The following ANKRD11 variants were observed in gnomAD, a reference collection of about 807,000 sequenced individuals.
The protein encoded by ANKRD11 is ankyrin repeat domain-containing protein 11.
ANKRD11 carries 17 observed loss-of-function variants against 195.7 expected under a neutral mutation model. The ratio of observed to expected loss-of-function variants is 0.09; its 90% CI spans 0.06 to 0.13. The LOEUF is 0.13. Ranked by LOEUF, ANKRD11 falls within the 10% of genes least tolerant of loss-of-function variation. The pLI, the probability that ANKRD11 is intolerant of heterozygous loss-of-function variation, is 1.00. For synonymous variants in ANKRD11, 1,953 were observed against 1,528.1 expected (o/e 1.28, Z -6.49); for missense variants, 3,735 against 3,566.1 (o/e 1.05, Z -1.21).
intron 4 of ANKRD11, among the ~76,000 whole-genome samples, chr16:89,296,049 C>T (rs1285931530): frequency 8.2e-6 from 1 of 122,542 alleles, no homozygotes; most frequent in Non-Finnish European, 1.6e-5. Context: ...AGCACAGTGG[C>T]GCAATCTCAG....
chr16:89,430,042 G>C (rs2042908400), intron 1 of ANKRD11, among the ~76,000 whole-genome samples: 1 of 129,996 alleles, frequency 7.7e-6, no homozygotes, highest in Non-Finnish European at 1.6e-5. Flanking sequence ...AGTCGTTCTA[G>C]TACACAGCAG....
chr16:89,294,316 A>G (rs1385026047), intron 4 of ANKRD11, among the ~76,000 whole-genome samples: 2 of 152,070 alleles, frequency 1.3e-5, no homozygotes, highest in Non-Finnish European at 1.5e-5. Context: ...CACTCAGGAA[A>G]AGCTTGCTCC....
chr16:89,474,551 A>G (rs2057193950), intron 1 of ANKRD11, among the ~76,000 whole-genome samples: 1 of 152,116 alleles, frequency 6.6e-6, no homozygotes, highest in Non-Finnish European at 1.5e-5. Flanking sequence ...ACTTCCTTCC[A>G]TGCACAAATA....
chr16:89,367,468 C>T (rs145383247), intron 2 of ANKRD11, among the ~76,000 whole-genome samples: 205 of 152,318 alleles, frequency 1.3e-3, no homozygotes, highest in Admixed American at 2.8e-3. Flanking sequence ...AGGGGAGCGA[C>T]GCTCTCAAAC....
At chr16:89,446,682 T>C (rs866512787) in intron 1 of ANKRD11, among the ~76,000 whole-genome samples, 2 of 152,128 alleles carry the variant, frequency 1.3e-5, no homozygotes, top group African/African-American at 4.8e-5. Flanking sequence ...AGTGAAGCCC[T>C]GAGATCCTTG....
chr16:89,471,733 TG>T (rs1429365381), intron 1 of ANKRD11, among the ~76,000 whole-genome samples: 7 of 129,732 alleles, frequency 5.4e-5, no homozygotes, highest in Non-Finnish European at 1.1e-4. Flanking sequence ...TGCAGTGAGC[TG>T]AGATGATGCC....
intron 9 of ANKRD11, 79 bp from the exon 10 acceptor site, chr16:89,275,270 G>A: frequency 7.7e-7 from 1 of 1,295,118 alleles, no homozygotes; most frequent in Non-Finnish European, 1.1e-6. Context: ...GTTCACGGGG[G>A]TCCCGACTCA....
chr16:89,455,886 CA>C (rs2056412533), intron 1 of ANKRD11, among the ~76,000 whole-genome samples: 1 of 152,058 alleles, frequency 6.6e-6, no homozygotes, highest in Non-Finnish European at 1.5e-5. Flanking sequence ...GGTATATGCC[CA>C]AAAAGTGTTC....
Position 89,280,878 on chromosome 16 carries a change from T to C in ANKRD11, c.5664A>G (p.Ala1888=), listed in dbSNP as rs751704639. ...SPEGVFSSLQ[A]KPSPSPRAEL... ...CGGCTCTGGGGGAAGGGGAAGGTTT[T>C]GCTTGTAAACTTGAGAAGACGCCCT... The change falls in exon 9 of 13, where the codon GCA becomes GCG. Residue 1888 remains alanine (A), a synonymous_variant. Transcript: ENST00000301030. 50 of 1,604,406 alleles carry C rather than the reference T, an allele frequency of 3.1e-5. No homozygotes were observed. Among genetic ancestry groups the C allele is most frequent in the Non-Finnish European group, 4.2e-5 (49 of 1,172,908 alleles).
intron 2 of ANKRD11, among the ~76,000 whole-genome samples, chr16:89,341,672 G>C (rs1015788394): frequency 6.6e-6 from 1 of 152,226 alleles, no homozygotes. Flanking sequence ...TGCAAACGTG[G>C]CTTTAATCCC....
At chr16:89,278,764 A>C in intron 9 of ANKRD11, 1 of 566,760 alleles carries the variant, frequency 1.8e-6, no homozygotes, top group Admixed American at 2.2e-5. Flanking sequence ...GAGAGGGGAG[A>C]GTGAGCGGCG....
chr16:89,279,894 A>T lies in ANKRD11; in HGVS notation c.6648T>A (p.Ala2216=). 6.2e-7 allele frequency: 1 copy of T among 1,605,022 alleles called. No homozygotes were observed. The highest frequency in any genetic ancestry group is 8.5e-7 in the Non-Finnish European group (1 of 1,177,540). ...TCTCCGCCTCCACCGCAGCTTCTAG[A>T]GCCACGTCCAGCTTTGGCTCCCCTG... The part of the protein sequence containing the change: ...EPSGEPKLDV[A]LEAAVEAETV... The change falls in exon 9 of 13, where the codon GCT becomes GCA. Residue 2216 remains alanine (A), a synonymous_variant. Transcript: ENST00000301030. The surrounding 1 kb of genome is among the most constrained non-coding windows in gnomAD (Gnocchi z 5.6).
chr16:89,441,916 C>T (rs1294436511), intron 1 of ANKRD11, among the ~76,000 whole-genome samples: 13 of 152,256 alleles, frequency 8.5e-5, no homozygotes, highest in South Asian at 2.1e-4. Context: ...GGCACCTTCC[C>T]CCATCATCCA....
At position 89,271,209 on chromosome 16, in the gene ANKRD11, C is replaced by T. The variant is rs1337579397; in HGVS notation, c.7714-300G>A. Reference sequence around the variant, plus strand: ...CCCTGCCCCCAGGGGACAGTCAGAGCTCAGCCCACTGCCAACTCCTGGGAG... The same window carrying T: ...CCCTGCCCCCAGGGGACAGTCAGAGTTCAGCCCACTGCCAACTCCTGGGAG... On this transcript the variant is annotated intron_variant, in intron 11 of 12. Coordinates refer to ENST00000301030, the MANE Select transcript of ANKRD11 (RefSeq NM_013275.6). 6.4e-6 allele frequency: 3 copies of T among 468,982 alleles called. No individual in the cohort carries two copies. In the East Asian group the frequency reaches 1.2e-4, roughly 19 times the overall value. The allele number at this position is 468,982 out of a possible 1,614,324, so 29.1% of individuals were successfully genotyped here.
At chr16:89,403,322 G>A (rs1259246157) in intron 2 of ANKRD11, among the ~76,000 whole-genome samples, 1 of 152,066 alleles carries the variant, frequency 6.6e-6, no homozygotes, top group East Asian at 1.9e-4. Context: ...CCTCCTGACC[G>A]GCCCCTCCTG....
At chr16:89,380,032 G>C (rs1194922819) in intron 2 of ANKRD11, among the ~76,000 whole-genome samples, 1 of 152,098 alleles carries the variant, frequency 6.6e-6, no homozygotes, top group Non-Finnish European at 1.5e-5. Context: ...AGTATCAATG[G>C]GTATATATGA....
At chr16:89,307,748 C>G (rs1036488386) in intron 3 of ANKRD11, among the ~76,000 whole-genome samples, 8 of 152,268 alleles carry the variant, frequency 5.3e-5, no homozygotes, top group African/African-American at 7.2e-5. Flanking sequence ...AGATAGGCAT[C>G]TTCCTTGGGG....
Position 89,285,576 on chromosome 16 carries a change from C to T in ANKRD11, c.966G>A (p.Glu322=). ...SSVDGNNTDS[E]FEKGLKHKAK... ...CCTTGTGCTTGAGGCCTTTTTCGAA[C>T]TCGGAGTCCGTGTTGTTGCCGTCGA... The change falls in exon 9 of 13, where the codon GAG becomes GAA. Residue 322 remains glutamate, a synonymous_variant. Transcript: ENST00000301030. The surrounding 1 kb of genome is among the most constrained non-coding windows in gnomAD (Gnocchi z 5.6). 2 of 1,614,120 alleles carry T rather than the reference C, an allele frequency of 1.2e-6. No individual in the cohort carries two copies. The highest frequency in any genetic ancestry group is 1.7e-6 in the Non-Finnish European group (2 of 1,180,036).
At position 89,457,248 on chromosome 16, in the gene ANKRD11, C is replaced by G. The variant is rs1339452256; in HGVS notation, c.-145+32997G>C. Among the ~76,000 whole-genome samples the G allele has an allele frequency of 6.0e-5, 9 of 150,500 alleles. No homozygotes were observed. In the South Asian group the frequency reaches 1.9e-3, roughly 32 times the overall value. ...TGCTGGGATTACAGGCGTGAGCCACCGCGCCCGGCCGAGTCTTACCTCAAT... is the reference window on the plus strand; with the variant it reads ...TGCTGGGATTACAGGCGTGAGCCACGGCGCCCGGCCGAGTCTTACCTCAAT... On this transcript the variant is annotated intron_variant, in intron 1 of 12. Coordinates refer to ENST00000301030, the MANE Select transcript of ANKRD11 (RefSeq NM_013275.6).
Sources: gnomAD v4.1 joint callset for allele counts (sites outside exome capture counted in the v4.1 genomes callset) on GRCh38, gnomAD v4.1.1 for gene constraint, Gnocchi (gnomAD v3.1) non-coding constraint, MANE v1.5 for transcripts, NCBI Gene and HGNC (gene_info 2026-07-23, HGNC 2026-07-21) for gene names.